Variants in MTOR observed in about 807,000 individuals in gnomAD.
MTOR encodes serine/threonine-protein kinase mTOR.
A neutral mutation model predicts 319.8 loss-of-function variants in MTOR; 70 were observed. The observed-to-expected ratio is 0.22, with a 90% confidence interval of 0.18 to 0.27. MTOR has a LOEUF of 0.27. MTOR is among the 10% of genes least tolerant of loss of function. MTOR has a pLI of 1.00. For synonymous variants in MTOR, 1,183 were observed against 1,211.4 expected (o/e 0.98, Z 0.49); for missense variants, 1,890 against 3,274.4 (o/e 0.58, Z 10.32).
Position 11,234,128 on chromosome 1 carries a change from C to G in MTOR, c.2331+15G>C. The G allele has an allele frequency of 2.5e-6, 4 of 1,614,142 alleles. No individual in the cohort carries two copies. Among genetic ancestry groups the G allele is most frequent in the Non-Finnish European group, 3.4e-6 (4 of 1,180,006 alleles). ...CAACGCACAGAGAAAGCACCAGCCTCTCGGTTTGTGTTACCTTCAGAATAG... is the reference window on the plus strand; with the variant it reads ...CAACGCACAGAGAAAGCACCAGCCTGTCGGTTTGTGTTACCTTCAGAATAG... On this transcript the variant is annotated intron_variant, in intron 14 of 57. Transcript: ENST00000361445.
At chr1:11,183,881 A>G (rs1187193462) in intron 28 of MTOR, among the ~76,000 whole-genome samples, 1 of 151,914 alleles carries the variant, frequency 6.6e-6, no homozygotes, top group Non-Finnish European at 1.5e-5. Context: ...TTTCCTCACC[A>G]CTCTGTGGTG....
At chr1:11,190,623 T>G (rs948913603) in intron 28 of MTOR, among the ~76,000 whole-genome samples, 4 of 152,228 alleles carry the variant, frequency 2.6e-5, no homozygotes, top group Non-Finnish European at 4.4e-5. Flanking sequence ...AAATATAGAC[T>G]TAATAGGCCA....
chr1:11,211,558 A>G (rs1015507667), intron 23 of MTOR, among the ~76,000 whole-genome samples: 6 of 152,110 alleles, frequency 3.9e-5, no homozygotes, highest in African/African-American at 1.4e-4. Context: ...TTGTGGAGAC[A>G]GGGTCTTGCT....
intron 1 of MTOR, among the ~76,000 whole-genome samples, chr1:11,260,972 A>G (rs568422274): frequency 7.3e-5 from 11 of 151,520 alleles, no homozygotes; most frequent in African/African-American, 2.4e-4. Context: ...GTGTGTTTTT[A>G]GTAGAGATGG....
At position 11,107,241 on chromosome 1, in the gene MTOR, G is replaced by A. The variant is rs761556997; in HGVS notation, c.*244C>T. 1.2e-4 allele frequency: 173 copies of A among 1,423,210 alleles called. No individual in the cohort carries two copies. Among genetic ancestry groups the A allele is most frequent in the Admixed American group, 4.7e-4 (18 of 38,358 alleles). 88.2% of individuals were successfully genotyped at this position (1,423,210 alleles called of 1,614,324 possible). ...CCCCAAAATGAATGGCTTGATTTAC[G>A]TGGTATTACTATGTTTCACTGTCCT... On this transcript the variant is annotated 3_prime_UTR_variant, in exon 58 of 58. Transcript: ENST00000361445.
chr1:11,215,146 T>C lies in MTOR; in HGVS notation c.3117+1002A>G, dbSNP rs116064774. 6.1e-3 allele frequency among the ~76,000 whole-genome samples: 923 copies of C among 152,326 alleles called. 11 individuals carry two copies. The highest frequency in any genetic ancestry group is 0.021 in the African/African-American group (869 of 41,566). ...TCATCAACCTGTTATGACTATAATATGGTCATATTGTATCCTTGTTTAGCC... is the reference window on the plus strand; with the variant it reads ...TCATCAACCTGTTATGACTATAATACGGTCATATTGTATCCTTGTTTAGCC... On this transcript the variant is annotated intron_variant, in intron 20 of 57. Coordinates refer to ENST00000361445, the MANE Select transcript of MTOR (RefSeq NM_004958.4).
At chr1:11,211,524 C>G (rs74694886) in intron 23 of MTOR, among the ~76,000 whole-genome samples, 1 of 152,160 alleles carries the variant, frequency 6.6e-6, no homozygotes. Context: ...CGTGTTCCTA[C>G]GCCTGGCTAA....
intron 36 of MTOR, among the ~76,000 whole-genome samples, 182 bp from the exon 37 acceptor site, chr1:11,134,648 CAA>C (rs527518727): frequency 2.0e-4 from 31 of 152,160 alleles, no homozygotes; most frequent in Non-Finnish European, 4.3e-4. Context: ...CTGGGCTTTT[CAA>C]AAAGATTCAT....
chr1:11,139,904 C>G (rs1159739800), intron 34 of MTOR, among the ~76,000 whole-genome samples: 8 of 152,152 alleles, frequency 5.3e-5, no homozygotes, highest in Non-Finnish European at 2.9e-5. Flanking sequence ...CTTGGCCAGG[C>G]TGGTCTTGAA....
At chr1:11,110,158 CA>C (rs1409495455) in intron 54 of MTOR, among the ~76,000 whole-genome samples, 1 of 152,144 alleles carries the variant, frequency 6.6e-6, no homozygotes, top group African/African-American at 2.4e-5. Flanking sequence ...AGCCTCGTGA[CA>C]AAATGTGTTT....
rs2100305069 is a variant in MTOR, at chr1:11,112,897, G to A, written c.7321C>T (p.Arg2441Ter). Residue 2441 changes from arginine to a stop codon, truncating the protein, a stop_gained, in exon 54 of 58, where the codon CGA (arginine) becomes TGA (stop). Transcript: ENST00000361445. LOFTEE classifies it high-confidence loss of function. ...LMDTNTKGNK[R>*]SRTRTDSYSA... is the part of the protein sequence containing the mutation. ...TAGGAATCCGTCCTCGTTCGGGATC[G>A]CTTGTTGCCTTTGGTATTTGCTAGG... 1.2e-6 allele frequency: 2 copies of A among 1,614,160 alleles called. No homozygotes were observed. The highest frequency in any genetic ancestry group is 1.7e-6 in the Non-Finnish European group (2 of 1,180,020).
At position 11,128,680 on chromosome 1, in the gene MTOR, A is replaced by G; in HGVS notation, c.5812-128T>C. On this transcript the variant is annotated intron_variant, in intron 41 of 57. Transcript: ENST00000361445. This position sits in a 1 kb window ranked among gnomAD's most constrained non-coding sequence, Gnocchi z 5.3. Reference sequence around the variant, plus strand: ...TGAAATGGTTCATTCCCTTCCCTTTAGTTTCTAAAAGAAAATAAAGAAAAT... The same window carrying G: ...TGAAATGGTTCATTCCCTTCCCTTTGGTTTCTAAAAGAAAATAAAGAAAAT... 1 of 1,092,492 alleles carries G rather than the reference A, an allele frequency of 9.2e-7. No homozygotes were observed. The highest frequency in any genetic ancestry group is 1.3e-6 in the Non-Finnish European group (1 of 747,846). The allele number at this position is 1,092,492 out of a possible 1,614,324, so 67.7% of individuals were successfully genotyped here.
At chr1:11,165,226 A>T (rs889042878) in intron 29 of MTOR, among the ~76,000 whole-genome samples, 1 of 152,086 alleles carries the variant, frequency 6.6e-6, no homozygotes, top group African/African-American at 2.4e-5. Flanking sequence ...CTATTCAACA[A>T]AGTGTTGGAA....
intron 34 of MTOR, among the ~76,000 whole-genome samples, chr1:11,141,594 C>A (rs982437999): frequency 6.6e-6 from 1 of 151,778 alleles, no homozygotes; most frequent in Non-Finnish European, 1.5e-5. Context: ...GTCTTGAACT[C>A]CTGACCTCAA....
In MTOR at chr1:11,228,824, G is replaced by T. The variant is rs2100855922; in HGVS notation, c.2874C>A (p.Ile958=). ...PAVSMVALMR[I]FRDQSLSHHH... ...GATGAGAGAGTGACTGGTCTCGGAA[G>T]ATCCGCATCAGGGCCACCATGGACA... Residue 958 remains isoleucine, a synonymous_variant, in exon 19 of 58, where the codon ATC becomes ATA. Coordinates refer to ENST00000361445, the MANE Select transcript of MTOR (RefSeq NM_004958.4). The T allele has an allele frequency of 6.2e-7, 1 of 1,614,202 alleles. No homozygotes were observed.
Position 11,161,472 on chromosome 1 carries a change from C to T in MTOR, c.4330-4181G>A, listed in dbSNP as rs116214181. Among the ~76,000 whole-genome samples the T allele has an allele frequency of 7.1e-3, 1,076 of 152,264 alleles. 12 individuals carry two copies. Among genetic ancestry groups the T allele is most frequent in the African/African-American group, 0.024 (989 of 41,552 alleles). On this transcript the variant is annotated intron_variant, in intron 29 of 57. Transcript: ENST00000361445. The stretch of plus-strand genomic sequence containing the variant: ...AGAACAGAGTTTGAGATCTGAGAGG[C>T]GACAGACTGCCTCCTCAGGTGGGTC...
intron 19 of MTOR, 55 bp from the exon 20 acceptor site, chr1:11,216,289 G>A: frequency 7.3e-7 from 1 of 1,368,904 alleles, no homozygotes; most frequent in Non-Finnish European, 1.0e-6. Context: ...TGAACCCCCA[G>A]GCTTACCTTA....
chr1:11,249,942 C>T (rs1286549783), intron 6 of MTOR, among the ~76,000 whole-genome samples: 3 of 151,060 alleles, frequency 2.0e-5, no homozygotes, highest in African/African-American at 7.2e-5. Context: ...GGCACACCTC[C>T]CAGACGGGGT....
At chr1:11,153,312 A>C (rs566768055) in intron 30 of MTOR, among the ~76,000 whole-genome samples, 1 of 152,354 alleles carries the variant, frequency 6.6e-6, no homozygotes, top group African/African-American at 2.4e-5. Context: ...GACTTGGAGA[A>C]GAGTGAATAA....
Sources: gnomAD v4.1 joint callset for allele counts (sites outside exome capture counted in the v4.1 genomes callset) on GRCh38, gnomAD v4.1.1 for gene constraint, Gnocchi (gnomAD v3.1) non-coding constraint, MANE v1.5 for transcripts, NCBI Gene and HGNC (gene_info 2026-07-23, HGNC 2026-07-21) for gene names.